Variants in COL26A1 observed in about 807,000 individuals in gnomAD.
The protein encoded by COL26A1 is collagen type XXVI alpha 1 chain.
A neutral mutation model predicts 59.3 loss-of-function variants in COL26A1; 41 were observed. The ratio of observed to expected loss-of-function variants is 0.69; its 90% CI spans 0.54 to 0.90. The LOEUF (loss-of-function observed/expected upper bound fraction) is 0.90, where lower values mean the gene tolerates loss of function less well. Ranked by LOEUF, COL26A1 falls within the 40% of genes least tolerant of loss-of-function variation. The probability of loss-of-function intolerance (pLI) is 0.00; values close to 1 mark genes in which losing one functional copy is unlikely to be tolerated. For synonymous variants in COL26A1, 266 were observed against 256.0 expected, an observed-to-expected ratio of 1.04 and a Z score of -0.37; for missense variants, 612 against 602.3, an observed-to-expected ratio of 1.02 and a Z score of -0.17.
At chr7:101,517,599 A>T (rs1189833746) in intron 3 of COL26A1, among the ~76,000 whole-genome samples, 2 of 152,094 alleles carry the variant, frequency 1.3e-5, no homozygotes, top group Non-Finnish European at 2.9e-5. Context: ...CTGCCCCATG[A>T]TTCAATTAGC....
At chr7:101,551,786 A>G (rs1452465250) in intron 10 of COL26A1, among the ~76,000 whole-genome samples, 1 of 150,678 alleles carries the variant, frequency 6.6e-6, no homozygotes, top group Non-Finnish European at 1.5e-5. Context: ...TCCTGCCTCT[A>G]GGGCCAAGGA....
intron 3 of COL26A1, among the ~76,000 whole-genome samples, chr7:101,508,891 C>T (rs967188497): frequency 3.3e-5 from 5 of 151,746 alleles, no homozygotes; most frequent in Non-Finnish European, 5.9e-5. Flanking sequence ...GTTCCAGCTA[C>T]TCAGCCAGGA....
chr7:101,452,773 A>ATTT (rs935820279), intron 3 of COL26A1, among the ~76,000 whole-genome samples: 1 of 148,504 alleles, frequency 6.7e-6, no homozygotes, highest in African/African-American at 2.5e-5. Flanking sequence ...TTATTTATTA[A>ATTT]TTTTTTTTTT....
chr7:101,387,757 TA>T (rs1791619315), intron 1 of COL26A1, among the ~76,000 whole-genome samples: 5 of 49,572 alleles, frequency 1.0e-4, no homozygotes, highest in Non-Finnish European at 1.4e-4. Context: ...TATATATTTA[TA>T]TATATATATA....
At chr7:101,392,107 G>A (rs893801519) in intron 1 of COL26A1, among the ~76,000 whole-genome samples, 2 of 152,158 alleles carry the variant, frequency 1.3e-5, no homozygotes, top group Admixed American at 6.6e-5. Flanking sequence ...GATGCAAATG[G>A]CTAAGGAAAG....
chr7:101,441,125 G>A (rs559688532), intron 2 of COL26A1, among the ~76,000 whole-genome samples: 1 of 152,202 alleles, frequency 6.6e-6, no homozygotes, highest in Non-Finnish European at 1.5e-5. Context: ...ACACAAATTA[G>A]TATTACTGGG....
intron 3 of COL26A1, among the ~76,000 whole-genome samples, chr7:101,456,621 G>A (rs868046610): frequency 4.9e-5 from 5 of 102,566 alleles, no homozygotes; most frequent in African/African-American, 1.1e-4. Flanking sequence ...CCGAGATCAC[G>A]CCATTGCACT....
chr7:101,469,645 A>G (rs1793847651), intron 3 of COL26A1, among the ~76,000 whole-genome samples: 1 of 152,072 alleles, frequency 6.6e-6, no homozygotes, highest in Non-Finnish European at 1.5e-5. Context: ...GTGTGCCACC[A>G]TACTCAGCTA....
intron 3 of COL26A1, 98 bp from the exon 4 acceptor site, chr7:101,532,984 T>A: frequency 1.1e-6 from 1 of 876,552 alleles, no homozygotes; most frequent in South Asian, 1.5e-5. Flanking sequence ...TGGAGATTTC[T>A]CTGCTTGCCT....
At chr7:101,454,269 T>TTTC (rs1302090614) in intron 3 of COL26A1, among the ~76,000 whole-genome samples, 26 of 55,528 alleles carry the variant, frequency 4.7e-4, no homozygotes, top group Non-Finnish European at 9.0e-4. Flanking sequence ...CTTTTCTTTC[T>TTTC]TTTTTTTTTT....
At chr7:101,551,086 C>T (rs1396966057) in intron 9 of COL26A1, 22 bp from the exon 10 acceptor site, 43 of 1,552,954 alleles carry the variant, frequency 2.8e-5, no homozygotes, top group Admixed American at 7.8e-5. Context: ...AGGCCTCACA[C>T]GCTTCCTTTG....
chr7:101,513,210 G>A (rs1332732446), intron 3 of COL26A1, among the ~76,000 whole-genome samples: 1 of 151,828 alleles, frequency 6.6e-6, no homozygotes. Flanking sequence ...GTTTCACCAT[G>A]TTGGCCAGGC....
chr7:101,369,102 T>C (rs906219985), intron 1 of COL26A1, among the ~76,000 whole-genome samples: 1 of 151,992 alleles, frequency 6.6e-6, no homozygotes, highest in Non-Finnish European at 1.5e-5. Context: ...GTTGTGGAGA[T>C]GGCTCTATCA....
chr7:101,520,513 G>A (rs762756107), intron 3 of COL26A1, among the ~76,000 whole-genome samples: 1 of 152,020 alleles, frequency 6.6e-6, no homozygotes, highest in African/African-American at 2.4e-5. Flanking sequence ...CTGAGACTTC[G>A]TCTGTACAAA....
chr7:101,478,481 G>T (rs528037343), intron 3 of COL26A1, among the ~76,000 whole-genome samples: 2 of 152,182 alleles, frequency 1.3e-5, no homozygotes, highest in South Asian at 4.2e-4. Flanking sequence ...CATTCTAATG[G>T]TAAAGTTAAA....
chr7:101,426,243 G>A (rs1792645186), intron 2 of COL26A1, among the ~76,000 whole-genome samples: 1 of 152,152 alleles, frequency 6.6e-6, no homozygotes, highest in African/African-American at 2.4e-5. Context: ...GAAGGTTCCT[G>A]GGAGCACTTT....
intron 1 of COL26A1, among the ~76,000 whole-genome samples, chr7:101,366,701 A>G (rs753021358): frequency 3.9e-4 from 59 of 151,794 alleles, no homozygotes; most frequent in Non-Finnish European, 6.5e-4. Flanking sequence ...GGGTCCTGCT[A>G]TGTTGCCCAG....
intron 1 of COL26A1, among the ~76,000 whole-genome samples, chr7:101,400,549 TTTA>T (rs1245943808): frequency 6.6e-6 from 1 of 151,386 alleles, no homozygotes; most frequent in African/African-American, 2.4e-5. Flanking sequence ...TTTATTTTAT[TTTA>T]TTTTTTGTTT....
At chr7:101,364,102 C>A (rs1205863887) in intron 1 of COL26A1, among the ~76,000 whole-genome samples, 1 of 152,116 alleles carries the variant, frequency 6.6e-6, no homozygotes, top group Admixed American at 6.5e-5. Context: ...TCCTTCCTCT[C>A]GGCCGGCAGG....
Sources: allele counts gnomAD v4.1 joint callset (sites outside exome capture counted in the v4.1 genomes callset), GRCh38; gene constraint gnomAD v4.1.1; transcripts MANE v1.5; gene names NCBI Gene and HGNC (gene_info 2026-07-23, HGNC 2026-07-21).